The following EXOC6 variants were observed in gnomAD, a reference collection of about 807,000 sequenced individuals.
EXOC6 encodes SEC15-like 1.
A neutral mutation model predicts 112.5 loss-of-function variants in EXOC6; 60 were observed. That is an observed-to-expected ratio of 0.53 (90% CI 0.43 to 0.66). The LOEUF (loss-of-function observed/expected upper bound fraction) is 0.66. EXOC6 is among the 30% of genes least tolerant of loss of function. The pLI, the probability that EXOC6 is intolerant of heterozygous loss-of-function variation, is 0.00. For synonymous variants in EXOC6, 295 were observed against 308.0 expected (o/e 0.96, Z 0.44); for missense variants, 855 against 957.1 (o/e 0.89, Z 1.41).
intron 14 of EXOC6, 27 bp from the exon 15 acceptor site, chr10:92,952,246 A>G (rs765393869): frequency 6.9e-7 from 1 of 1,444,862 alleles, no homozygotes; most frequent in East Asian, 2.3e-5. Context: ...AAATTTCAAA[A>G]ACAATATTAA....
chr10:92,831,388 A>G, upstream of EXOC6: 1 of 1,244,692 alleles, frequency 8.0e-7, no homozygotes, highest in South Asian at 1.2e-5. Context: ...TTTGTTAATT[A>G]AACTACTTTA....
At chr10:92,927,839 A>G (rs577171123) in intron 8 of EXOC6, among the ~76,000 whole-genome samples, 19 of 152,346 alleles carry the variant, frequency 1.2e-4, no homozygotes, top group African/African-American at 4.6e-4. Context: ...CATATGGGAA[A>G]AGGAAACTGG....
chr10:92,894,271 A>C (rs1331410463), intron 2 of EXOC6, among the ~76,000 whole-genome samples: 1 of 152,162 alleles, frequency 6.6e-6, no homozygotes, highest in East Asian at 1.9e-4. Flanking sequence ...TGACCTAATG[A>C]GTCACTTAAT....
intron 18 of EXOC6, among the ~76,000 whole-genome samples, chr10:92,996,564 C>T (rs900234920): frequency 4.6e-5 from 7 of 151,116 alleles, no homozygotes; most frequent in Non-Finnish European, 1.0e-4. Context: ...TTGCAGTGAG[C>T]CGAGATTGCG....
upstream of EXOC6, among the ~76,000 whole-genome samples, chr10:92,830,809 G>A (rs1846462768): frequency 6.6e-6 from 1 of 152,194 alleles, no homozygotes. Flanking sequence ...AGTAGTCAAA[G>A]AGTTTGAGCT....
intron 18 of EXOC6, among the ~76,000 whole-genome samples, chr10:92,993,980 T>C (rs1412840364): frequency 2.0e-5 from 3 of 152,228 alleles, no homozygotes; most frequent in Non-Finnish European, 4.4e-5. Flanking sequence ...CGCCTCATGC[T>C]GTCTTTGATT....
intron 1 of EXOC6, among the ~76,000 whole-genome samples, chr10:92,872,938 A>G (rs988805505): frequency 2.6e-5 from 4 of 152,166 alleles, no homozygotes; most frequent in Non-Finnish European, 4.4e-5. Flanking sequence ...GCTATTACGC[A>G]AAGTGCACAT....
chr10:92,966,600 C>T (rs919227462), intron 17 of EXOC6, among the ~76,000 whole-genome samples: 2 of 151,222 alleles, frequency 1.3e-5, no homozygotes, highest in African/African-American at 4.9e-5. Flanking sequence ...CATCCATGTC[C>T]CTACAAAGGA....
At chr10:93,024,685 T>C (rs1443189319) in intron 20 of EXOC6, among the ~76,000 whole-genome samples, 1 of 152,162 alleles carries the variant, frequency 6.6e-6, no homozygotes, top group Non-Finnish European at 1.5e-5. Context: ...CCCAAAGTCC[T>C]GGGATTACAG....
At chr10:92,892,468 C>A (rs1849555587) in intron 1 of EXOC6, among the ~76,000 whole-genome samples, 1 of 152,202 alleles carries the variant, frequency 6.6e-6, no homozygotes, top group South Asian at 2.1e-4. Context: ...TGACTGACTA[C>A]CCATGTAGAC....
At chr10:93,051,734 C>T (rs1473309681) in intron 20 of EXOC6, among the ~76,000 whole-genome samples, 6 of 152,030 alleles carry the variant, frequency 3.9e-5, no homozygotes, top group African/African-American at 1.4e-4. Flanking sequence ...TCTTGAATTC[C>T]CAGTGGCAAA....
chr10:92,830,379 G>T (rs1331294085), upstream of EXOC6, among the ~76,000 whole-genome samples: 1 of 152,124 alleles, frequency 6.6e-6, no homozygotes, highest in African/African-American at 2.4e-5. Context: ...AGGGACAGGG[G>T]TTCCTAGCAG....
chr10:92,994,732 T>TA (rs1397787253), intron 18 of EXOC6, among the ~76,000 whole-genome samples: 1 of 152,028 alleles, frequency 6.6e-6, no homozygotes, highest in South Asian at 2.1e-4. Context: ...AGACTATTTT[T>TA]ATTCTAGAAA....
chr10:92,840,998 A>G (rs1382231540), intron 1 of EXOC6, among the ~76,000 whole-genome samples: 1 of 152,180 alleles, frequency 6.6e-6, no homozygotes, highest in Non-Finnish European at 1.5e-5. Flanking sequence ...GTCTGTTTAC[A>G]GTGTAGAATG....
chr10:92,974,002 C>A, intron 17 of EXOC6, 51 bp from the exon 18 acceptor site: 1 of 1,345,934 alleles, frequency 7.4e-7, no homozygotes, highest in South Asian at 1.4e-5. Flanking sequence ...TGTAAGAACA[C>A]TTGTTTTATT....
chr10:92,884,596 A>C (rs564536065), intron 1 of EXOC6, among the ~76,000 whole-genome samples: 1 of 152,324 alleles, frequency 6.6e-6, no homozygotes, highest in Admixed American at 6.5e-5. Context: ...TATTCTAGCA[A>C]ATATAAGTAA....
chr10:92,978,604 GT>G (rs1219984697), intron 18 of EXOC6, among the ~76,000 whole-genome samples: 1 of 152,148 alleles, frequency 6.6e-6, no homozygotes, highest in Non-Finnish European at 1.5e-5. Context: ...CAACTAGATT[GT>G]TTTAAGCAAA....
intron 17 of EXOC6, among the ~76,000 whole-genome samples, chr10:92,966,877 A>G (rs1201346913): frequency 7.0e-6 from 1 of 143,424 alleles, no homozygotes; most frequent in African/African-American, 2.7e-5. Flanking sequence ...GACTTCCACA[A>G]TGGTTGAACT....
At chr10:92,891,731 A>G (rs1288919488) in intron 1 of EXOC6, among the ~76,000 whole-genome samples, 2 of 152,068 alleles carry the variant, frequency 1.3e-5, no homozygotes, top group East Asian at 1.9e-4. Context: ...ATCTGTCCGC[A>G]TCGGCTCCCA....
Sources: allele counts gnomAD v4.1 joint callset (sites outside exome capture counted in the v4.1 genomes callset), GRCh38; gene constraint gnomAD v4.1.1; transcripts MANE v1.5; gene names NCBI Gene and HGNC (gene_info 2026-07-23, HGNC 2026-07-21).